XRCC4: variants seen among roughly 807,000 people sequenced by gnomAD.
XRCC4 encodes the protein X-ray repair cross complementing 4, also known as DNA repair protein XRCC4.
A neutral mutation model predicts 39.1 loss-of-function variants in XRCC4; 28 were observed. The ratio of observed to expected loss-of-function variants is 0.72; its 90% CI spans 0.53 to 0.98. XRCC4 has a LOEUF of 0.98. XRCC4 is among the 50% of genes least tolerant of loss of function. The pLI, the probability that XRCC4 is intolerant of heterozygous loss-of-function variation, is 0.00. For synonymous variants in XRCC4, 123 were observed against 126.4 expected (o/e 0.97, Z 0.18); for missense variants, 350 against 376.4 (o/e 0.93, Z 0.58).
chr5:83,370,730 A>C, the XRCC4 span, among the ~76,000 whole-genome samples: 1 of 152,064 alleles, frequency 6.6e-6, no homozygotes, highest in Non-Finnish European at 1.5e-5. Context: ...ATTGACCCCA[A>C]TTCCAGCCCC....
intron 7 of XRCC4, among the ~76,000 whole-genome samples, chr5:83,338,384 A>G (rs10514257): frequency 0.054 from 8,248 of 152,290 alleles, 364 homozygotes; most frequent in East Asian, 0.15. Context: ...TTAGATAACA[A>G]TGGTTGTTTG....
At chr5:83,283,456 T>G (rs1035372522) in intron 7 of XRCC4, among the ~76,000 whole-genome samples, 1 of 152,222 alleles carries the variant, frequency 6.6e-6, no homozygotes, top group African/African-American at 2.4e-5. Context: ...AACTATTATT[T>G]TTGAGGTGCC....
intron 6 of XRCC4, among the ~76,000 whole-genome samples, chr5:83,245,349 G>C (rs1331644028): frequency 6.6e-6 from 1 of 152,008 alleles, no homozygotes; most frequent in Non-Finnish European, 1.5e-5. Flanking sequence ...TTGGAGAAAG[G>C]AGTCTAGGAA....
intron 7 of XRCC4, among the ~76,000 whole-genome samples, chr5:83,320,236 T>C (rs1236178798): frequency 1.4e-5 from 2 of 141,114 alleles, no homozygotes; most frequent in East Asian, 2.2e-4. Context: ...AGGGATAGCA[T>C]TGGGAGATAT....
chr5:83,127,823 T>C (rs1446856230), intron 3 of XRCC4, among the ~76,000 whole-genome samples: 1 of 152,062 alleles, frequency 6.6e-6, no homozygotes, highest in Non-Finnish European at 1.5e-5. Context: ...TTCCAAAGTC[T>C]GTACTTTGTC....
intron 6 of XRCC4, among the ~76,000 whole-genome samples, chr5:83,224,297 T>C (rs1461058403): frequency 3.3e-5 from 5 of 152,054 alleles, no homozygotes; most frequent in Admixed American, 3.3e-4. Flanking sequence ...TAGTCTTTTG[T>C]TTTGTGGTTA....
intron 7 of XRCC4, among the ~76,000 whole-genome samples, chr5:83,299,858 T>C (rs1234597264): frequency 6.6e-6 from 1 of 152,208 alleles, no homozygotes; most frequent in Non-Finnish European, 1.5e-5. Context: ...TTAGTTATAA[T>C]ATTTGAAATC....
chr5:83,334,508 G>C (rs565218049), intron 7 of XRCC4, among the ~76,000 whole-genome samples: 19 of 152,116 alleles, frequency 1.2e-4, no homozygotes, highest in Admixed American at 4.6e-4. Context: ...TAACGGAATA[G>C]TATGAGGTTA....
intron 7 of XRCC4, among the ~76,000 whole-genome samples, chr5:83,312,904 A>G (rs1755752884): frequency 6.6e-6 from 1 of 152,178 alleles, no homozygotes; most frequent in Non-Finnish European, 1.5e-5. Flanking sequence ...TGACTTTAGT[A>G]AAGTCATTGG....
chr5:83,191,733 A>G (rs766041363), intron 3 of XRCC4, among the ~76,000 whole-genome samples: 6 of 152,242 alleles, frequency 3.9e-5, no homozygotes, highest in Admixed American at 2.0e-4. Context: ...GTTTCCCTGC[A>G]TAAGCTCTGT....
chr5:83,369,974 G>A, the XRCC4 span, among the ~76,000 whole-genome samples: 1 of 152,090 alleles, frequency 6.6e-6, no homozygotes, highest in Non-Finnish European at 1.5e-5. Flanking sequence ...TCTCATTGTG[G>A]TTTTGATTTG....
intron 7 of XRCC4, among the ~76,000 whole-genome samples, chr5:83,272,507 C>G (rs1020310583): frequency 1.3e-5 from 2 of 152,072 alleles, no homozygotes; most frequent in Non-Finnish European, 2.9e-5. Flanking sequence ...GTTTGTCACA[C>G]TCATCAACCC....
chr5:83,157,931 G>T (rs1306340415), intron 3 of XRCC4, among the ~76,000 whole-genome samples: 2 of 152,042 alleles, frequency 1.3e-5, no homozygotes, highest in African/African-American at 4.8e-5. Context: ...TATTGAAAAT[G>T]CCTATCCTTA....
intron 6 of XRCC4, 51 bp downstream of exon 6, chr5:83,204,972 C>CT: frequency 1.6e-6 from 2 of 1,251,096 alleles, no homozygotes; most frequent in Non-Finnish European, 2.3e-6. Flanking sequence ...ATTTGGGCTT[C>CT]TTATTCTAAT....
intron 2 of XRCC4, 134 bp from the exon 3 acceptor site, chr5:83,110,894 G>A (rs1746409188): frequency 5.2e-6 from 4 of 776,422 alleles, no homozygotes; most frequent in Non-Finnish European, 7.8e-6. Context: ...TTAAAAATGT[G>A]TAGTATAGGG....
At chr5:83,142,675 C>T (rs1748241388) in intron 3 of XRCC4, among the ~76,000 whole-genome samples, 1 of 113,304 alleles carries the variant, frequency 8.8e-6, no homozygotes, top group Non-Finnish European at 1.9e-5. Context: ...GAGTGAGTCT[C>T]CTGTTTTTTT....
At chr5:83,223,256 G>A (rs187957718) in intron 6 of XRCC4, among the ~76,000 whole-genome samples, 38 of 152,030 alleles carry the variant, frequency 2.5e-4, no homozygotes, top group Admixed American at 5.2e-4. Context: ...TTTGAATGTG[G>A]GGTTTTGAAG....
At chr5:83,351,325 G>A (rs557384870) in intron 7 of XRCC4, among the ~76,000 whole-genome samples, 4 of 152,070 alleles carry the variant, frequency 2.6e-5, no homozygotes. Context: ...AATACATAGG[G>A]GCACAGTTTC....
At chr5:83,313,945 A>AATT (rs10624797) in intron 7 of XRCC4, among the ~76,000 whole-genome samples, 47,293 of 151,736 alleles carry the variant, frequency 0.31, 9,935 homozygotes, top group East Asian at 0.76. Context: ...TATGTTATTT[A>AATT]ATTACTACAT....
Sources: gnomAD v4.1 joint callset for allele counts (sites outside exome capture counted in the v4.1 genomes callset) on GRCh38, gnomAD v4.1.1 for gene constraint, MANE v1.5 for transcripts, NCBI Gene and HGNC (gene_info 2026-07-23, HGNC 2026-07-21) for gene names.